The following EPS8 variants were observed in gnomAD, a reference collection of about 807,000 sequenced individuals.
EPS8 encodes epidermal growth factor receptor kinase substrate 8.
In EPS8, 42 loss-of-function variants were observed where a neutral mutation model predicts 103.8. The observed-to-expected ratio is 0.40, with a 90% CI of 0.32 to 0.52. The LOEUF is 0.52. Ranked by LOEUF, EPS8 falls within the 20% of genes least tolerant of loss-of-function variation. The probability of loss-of-function intolerance (pLI) is 0.40; values close to 1 mark genes in which losing one functional copy is unlikely to be tolerated. For missense variants in EPS8, 969 were observed against 1,005.1 expected (o/e 0.96, Z 0.49); for synonymous variants, 344 against 344.6 (o/e 1.00, Z 0.02).
rs1029850856 is a variant in EPS8, at chr12:15,780,966, A to G, written c.-22+8195T>C. On this transcript the variant is annotated intron_variant, in intron 1 of 20. Transcript: ENST00000281172. This position sits in a 1 kb window ranked among gnomAD's most constrained non-coding sequence, Gnocchi z 4.1. ...TGAGTGTGTCATATGGCTGACACAT[A>G]TGGTCATATGTTGGCCTTAAATACA... Among the ~76,000 whole-genome samples, 2 of 152,196 alleles carry G rather than the reference A, an allele frequency of 1.3e-5. No individual in the cohort carries two copies. The highest frequency in any genetic ancestry group is 4.8e-5 in the African/African-American group (2 of 41,448).
chr12:15,730,651 C>T lies in EPS8; in HGVS notation c.-21-47679G>A, dbSNP rs540379812. Among the ~76,000 whole-genome samples the T allele has an allele frequency of 1.4e-4, 21 of 152,266 alleles. No individual in the cohort carries two copies. In the South Asian group the frequency reaches 4.1e-3, roughly 30 times the overall value. On this transcript the variant is annotated intron_variant, in intron 1 of 20. Coordinates refer to ENST00000281172, the MANE Select transcript of EPS8 (RefSeq NM_004447.6). Reference sequence around the variant, plus strand: ...GCCTTCTCTTTACCCTGGCATATGACTACTCAATCTTCTCTGTATTTGCTT... The same window carrying T: ...GCCTTCTCTTTACCCTGGCATATGATTACTCAATCTTCTCTGTATTTGCTT...
chr12:15,782,430 G>A (rs988641804), intron 1 of EPS8, among the ~76,000 whole-genome samples: 2 of 152,156 alleles, frequency 1.3e-5, no homozygotes, highest in African/African-American at 4.8e-5. Flanking sequence ...GGGCCTGGGT[G>A]GTTGAGGCTG....
Position 15,665,852 on chromosome 12 carries a change from T to G in EPS8, c.640A>C (p.Arg214=). Residue 214 remains arginine (R), a synonymous_variant, in exon 8 of 21, where the codon AGA becomes CGA. Transcript: ENST00000281172. ...CCAGGGGGCGCAGGGGCAGGAGCTC[T>G]GGGTGGAGGCGGTATACTAGGGTCT... ...NADPSIPPPP[R]APAPAPPGTV... 6.2e-7 allele frequency: 1 copy of G among 1,613,958 alleles called. No homozygotes were observed. The highest frequency in any genetic ancestry group is 8.5e-7 in the Non-Finnish European group (1 of 1,179,948).
chr12:15,628,929 C>T (rs1944995758), intron 18 of EPS8, among the ~76,000 whole-genome samples: 1 of 152,048 alleles, frequency 6.6e-6, no homozygotes, highest in African/African-American at 2.4e-5. Context: ...AACATTCATT[C>T]AGAGAAAAAC....
At chr12:15,679,014 G>T (rs909802051) in intron 3 of EPS8, among the ~76,000 whole-genome samples, 2 of 151,528 alleles carry the variant, frequency 1.3e-5, no homozygotes, top group East Asian at 1.9e-4. Flanking sequence ...ATTTACAGGT[G>T]AGTTCTATTT....
At chr12:15,675,420 C>T (rs962186969) in intron 3 of EPS8, among the ~76,000 whole-genome samples, 3 of 152,006 alleles carry the variant, frequency 2.0e-5, no homozygotes, top group East Asian at 1.9e-4. Flanking sequence ...GCCAACATGG[C>T]GAAAGGCTGT....
intron 1 of EPS8, among the ~76,000 whole-genome samples, chr12:15,699,252 G>A (rs184022551): frequency 8.5e-5 from 13 of 152,316 alleles, no homozygotes; most frequent in Non-Finnish European, 1.3e-4. Context: ...ATGTCCCAGA[G>A]CTTTTATTGT....
In EPS8 at chr12:15,721,720, C is replaced by T. The variant is rs1205427036; in HGVS notation, c.-21-38748G>A. ...AAAACTTAAAAGTAATAAAAGCACA[C>T]TTTACTACAACAAATAGAAATAAGA... On this transcript the variant is annotated intron_variant, in intron 1 of 20. Coordinates refer to ENST00000281172, the MANE Select transcript of EPS8 (RefSeq NM_004447.6). The surrounding 1 kb of genome is among the most constrained non-coding windows in gnomAD (Gnocchi z 4.4). 6.6e-6 allele frequency among the ~76,000 whole-genome samples: 1 copy of T among 152,092 alleles called. No homozygotes were observed. Among genetic ancestry groups the T allele is most frequent in the African/African-American group, 2.4e-5 (1 of 41,442 alleles).
chr12:15,644,193 C>G (rs924146380), intron 15 of EPS8, among the ~76,000 whole-genome samples: 14 of 152,210 alleles, frequency 9.2e-5, no homozygotes, highest in African/African-American at 3.4e-4. Context: ...CACTCACAGG[C>G]TGCTGACTGT....
Position 15,684,541 on chromosome 12 carries a change from TC to T in EPS8, c.-21-1570del, listed in dbSNP as rs1409305132. Among the ~76,000 whole-genome samples, 1 of 152,178 alleles carries T rather than the reference TC, an allele frequency of 6.6e-6. No homozygotes were observed. The highest frequency in any genetic ancestry group is 1.5e-5 in the Non-Finnish European group (1 of 68,014). ...TTATTCAAAGAAAGAAAGAAGGAAA[TC>T]CATGTCCCACTCTTCAAAGAGTTTA... On this transcript the variant is annotated intron_variant, in intron 1 of 20. Coordinates refer to ENST00000281172, the MANE Select transcript of EPS8 (RefSeq NM_004447.6). This position sits in a 1 kb window ranked among gnomAD's most constrained non-coding sequence, Gnocchi z 4.9.
At chr12:15,635,482 G>A (rs1945117951) in intron 17 of EPS8, among the ~76,000 whole-genome samples, 1 of 152,132 alleles carries the variant, frequency 6.6e-6, no homozygotes, top group African/African-American at 2.4e-5. Context: ...TGGCCTGGCT[G>A]GAAGAATATA....
At chr12:15,680,392 G>A (rs1945984696) in intron 3 of EPS8, among the ~76,000 whole-genome samples, 1 of 152,074 alleles carries the variant, frequency 6.6e-6, no homozygotes, top group African/African-American at 2.4e-5. Context: ...GCCAAGAACA[G>A]TTCTAAGTAT....
rs996007329 is a variant in EPS8 at position 15,762,745 on chromosome 12, G to C, written c.-22+26416C>G. ...AAAAACAATTGAACTCATGGAGAGAGAGTATAGAAGGATGGTTACCAGAGG... is the reference window on the plus strand; with the variant it reads ...AAAAACAATTGAACTCATGGAGAGACAGTATAGAAGGATGGTTACCAGAGG... On this transcript the variant is annotated intron_variant, in intron 1 of 20. Transcript: ENST00000281172. This position sits in a 1 kb window ranked among gnomAD's most constrained non-coding sequence, Gnocchi z 4.8. 1.3e-5 allele frequency among the ~76,000 whole-genome samples: 2 copies of C among 152,166 alleles called. No homozygotes were observed. The highest frequency in any genetic ancestry group is 6.3e-3 in the Middle Eastern group (2 of 316).
rs1404457824 is a variant in EPS8 at position 15,731,461 on chromosome 12, C to T, written c.-21-48489G>A. Among the ~76,000 whole-genome samples, 1 of 152,106 alleles carries T rather than the reference C, an allele frequency of 6.6e-6. No homozygotes were observed. The highest frequency in any genetic ancestry group is 1.5e-5 in the Non-Finnish European group (1 of 68,024). ...TACAGGTGCCTGCCACCACGCCTGG[C>T]TAATTTTTGTATTTTTAGTAGAAAC... On this transcript the variant is annotated intron_variant, in intron 1 of 20. Transcript: ENST00000281172. The surrounding 1 kb of genome is among the most constrained non-coding windows in gnomAD (Gnocchi z 5.1).
At chr12:15,710,558 T>A (rs1230944441) in intron 1 of EPS8, among the ~76,000 whole-genome samples, 1 of 149,498 alleles carries the variant, frequency 6.7e-6, no homozygotes, top group Non-Finnish European at 1.5e-5. Context: ...CTACCACAAG[T>A]TTTTTCTAAT....
At chr12:15,737,026 A>G (rs1222076543) in intron 1 of EPS8, among the ~76,000 whole-genome samples, 1 of 152,196 alleles carries the variant, frequency 6.6e-6, no homozygotes, top group African/African-American at 2.4e-5. Context: ...AAAGCACACT[A>G]TTAGGTAAAC....
At chr12:15,766,131 G>GA (rs1235194770) in intron 1 of EPS8, among the ~76,000 whole-genome samples, 1 of 150,184 alleles carries the variant, frequency 6.7e-6, no homozygotes, top group Non-Finnish European at 1.5e-5. Flanking sequence ...TTTTAACAGA[G>GA]AAAAAAAATA....
rs1491396606 is a variant in EPS8, at chr12:15,785,921, TAA to T, written c.-22+3238_-22+3239del. On this transcript the variant is annotated intron_variant, in intron 1 of 20. Transcript: ENST00000281172. The surrounding 1 kb of genome is among the most constrained non-coding windows in gnomAD (Gnocchi z 4.9). ...TAGATAGATAGATTTTATATTTATATAATATATATATATCCATGAGTCCAGAA... is the reference window on the plus strand; with the variant it reads ...TAGATAGATAGATTTTATATTTATATTATATATATATCCATGAGTCCAGAA... Among the ~76,000 whole-genome samples the T allele has an allele frequency of 6.6e-6, 1 of 151,576 alleles. No individual in the cohort carries two copies. The highest frequency in any genetic ancestry group is 2.4e-5 in the African/African-American group (1 of 41,322).
intron 1 of EPS8, among the ~76,000 whole-genome samples, chr12:15,773,784 T>C (rs762800978): frequency 6.6e-6 from 1 of 152,144 alleles, no homozygotes; most frequent in African/African-American, 2.4e-5. Flanking sequence ...TATCTGTGTC[T>C]AGTAAACAGA....
Sources: allele counts gnomAD v4.1 joint callset (sites outside exome capture counted in the v4.1 genomes callset), GRCh38; gene constraint gnomAD v4.1.1; non-coding constraint Gnocchi (gnomAD v3.1); transcripts MANE v1.5; gene names NCBI Gene and HGNC (gene_info 2026-07-23, HGNC 2026-07-21).